The following LDHB variants were observed in gnomAD, a reference collection of about 807,000 sequenced individuals.
The protein encoded by LDHB is L-lactate dehydrogenase B chain.
A neutral mutation model predicts 33.4 loss-of-function variants in LDHB; 18 were observed. The observed-to-expected ratio is 0.54, with a 90% confidence interval of 0.37 to 0.80. The LOEUF (loss-of-function observed/expected upper bound fraction) is 0.80. Ranked by LOEUF, LDHB falls within the 30% of genes least tolerant of loss-of-function variation. The pLI, the probability that LDHB is intolerant of heterozygous loss-of-function variation, is 0.00. For synonymous variants in LDHB, 121 were observed against 140.6 expected, an observed-to-expected ratio of 0.86 and a Z score of 0.98; for missense variants, 345 against 407.9, an observed-to-expected ratio of 0.85 and a Z score of 1.33.
chr12:21,639,901 T>TA (rs1256328805), intron 5 of LDHB, among the ~76,000 whole-genome samples: 3 of 151,960 alleles, frequency 2.0e-5, no homozygotes, highest in African/African-American at 4.8e-5. Context: ...CATTCTTATA[T>TA]AAAAAATCAG....
Position 21,638,401 on chromosome 12 carries a change from T to G in LDHB, c.665A>C (p.Asp222Ala). The change falls in exon 6 of 8, where the codon GAC (aspartate) becomes GCC (alanine). Residue 222 changes from aspartate to alanine, a missense_variant. By Grantham distance (126) the Asp-to-Ala change is moderately radical. Transcript: ENST00000350669. The stretch of plus-strand genomic sequence containing the variant: ...TTCCTTCCAATTTTCACTATCATTG[T>G]CAGTTCCCATTTCTGGATTCAATTC... The part of the protein sequence containing the change: ...LQELNPEMGT[D>A]NDSENWKEVH... 1 of 1,611,892 alleles carries G rather than the reference T, an allele frequency of 6.2e-7. No homozygotes were observed. The highest frequency in any genetic ancestry group is 8.5e-7 in the Non-Finnish European group (1 of 1,178,416).
chr12:21,647,599 T>C (rs1938561524), intron 2 of LDHB, among the ~76,000 whole-genome samples: 1 of 152,210 alleles, frequency 6.6e-6, no homozygotes, highest in Admixed American at 6.5e-5. Context: ...AGATTTCTTT[T>C]GTTTTCTATT....
rs1456739376 is a variant in LDHB at position 21,642,208 on chromosome 12, T to C, written c.422-83A>G. ...CAGCTTGGGGTGCCCTGGCTTCCCT[T>C]TTCCCACTTCCCCACTCCCCAAATG... On this transcript the variant is annotated intron_variant, in intron 4 of 7. Coordinates refer to ENST00000350669, the MANE Select transcript of LDHB (RefSeq NM_002300.8). 6 of 908,252 alleles carry C rather than the reference T, an allele frequency of 6.6e-6. No individual in the cohort carries two copies. In the African/African-American group the frequency reaches 8.2e-5, roughly 12 times the overall value. The allele number at this position is 908,252 out of a possible 1,614,324, so 56.3% of individuals were successfully genotyped here.
chr12:21,647,971 G>A (rs1938574810), intron 2 of LDHB, among the ~76,000 whole-genome samples: 1 of 151,942 alleles, frequency 6.6e-6, no homozygotes, highest in Admixed American at 6.6e-5. Context: ...TGCTGGAATA[G>A]GCAGTGCTGG....
intron 2 of LDHB, among the ~76,000 whole-genome samples, chr12:21,647,604 T>C (rs1421476315): frequency 6.6e-6 from 1 of 152,184 alleles, no homozygotes; most frequent in African/African-American, 2.4e-5. Flanking sequence ...TCTTTTGTTT[T>C]CTATTCCAAT....
intron 3 of LDHB, among the ~76,000 whole-genome samples, chr12:21,645,677 T>C (rs990170170): frequency 6.6e-6 from 1 of 152,180 alleles, no homozygotes; most frequent in East Asian, 1.9e-4. Context: ...TCACATATTT[T>C]CCTGCTGACC....
chr12:21,643,054 G>T (rs1938415417), intron 4 of LDHB, among the ~76,000 whole-genome samples: 2 of 152,208 alleles, frequency 1.3e-5, no homozygotes, highest in Admixed American at 6.5e-5. Flanking sequence ...ATATTTATGA[G>T]AAGTTTTATA....
intron 3 of LDHB, among the ~76,000 whole-genome samples, 189 bp from the exon 4 acceptor site, chr12:21,644,297 T>G (rs933327064): frequency 5.3e-5 from 8 of 151,824 alleles, no homozygotes; most frequent in African/African-American, 1.9e-4. Context: ...TGAGCTACAC[T>G]GCAATAATCC....
At chr12:21,647,653 T>C (rs1650300) in intron 2 of LDHB, among the ~76,000 whole-genome samples, 143,744 of 152,082 alleles carry the variant, frequency 0.95, 68,437 homozygotes, top group East Asian at 1. Flanking sequence ...CAATCTAAAG[T>C]AATGAATATA....
Position 21,642,017 on chromosome 12 carries a change from T to A in LDHB, c.530A>T (p.Glu177Val). The A allele has an allele frequency of 6.2e-7, 1 of 1,613,738 alleles. No homozygotes were observed. The highest frequency in any genetic ancestry group is 8.5e-7 in the Non-Finnish European group (1 of 1,179,778). Reference protein sequence around the residue: ...DSARFRYLMAEKLGIHPSSCH... With the variant: ...DSARFRYLMAVKLGIHPSSCH... ...GCTGCTGGGATGAATGCCAAGTTTT[T>A]CAGCCATAAGGTAGCGAAATCTAGC... The change falls in exon 5 of 8, where the codon GAA becomes GTA. Residue 177 changes from glutamate to valine, a missense_variant. Coordinates refer to ENST00000350669, the MANE Select transcript of LDHB (RefSeq NM_002300.8).
chr12:21,643,603 C>T (rs1420303379), intron 4 of LDHB: 3 of 265,502 alleles, frequency 1.1e-5, no homozygotes, highest in Non-Finnish European at 2.2e-5. Flanking sequence ...CAAAATGTTT[C>T]TTACAAATTG....
intron 3 of LDHB, among the ~76,000 whole-genome samples, chr12:21,646,589 G>C (rs1938532637): frequency 6.6e-6 from 1 of 152,158 alleles, no homozygotes; most frequent in African/African-American, 2.4e-5. Context: ...CTCATTTTAG[G>C]TAGCTGTCCA....
intron 4 of LDHB, 150 bp downstream of exon 4, chr12:21,643,785 G>A: frequency 3.1e-6 from 2 of 653,326 alleles, no homozygotes; most frequent in Non-Finnish European, 5.4e-6. Context: ...CATTTGTTTT[G>A]CAAACACCAC....
intron 3 of LDHB, among the ~76,000 whole-genome samples, chr12:21,644,446 C>CAAAATAA (rs1555165061): frequency 1.8e-5 from 2 of 108,844 alleles, no homozygotes; most frequent in Admixed American, 1.0e-4. Context: ...AAAAAAAAAA[C>CAAAATAA]AAAAACAAAA....
intron 3 of LDHB, among the ~76,000 whole-genome samples, chr12:21,645,890 C>T (rs1033047345): frequency 3.3e-5 from 5 of 152,128 alleles, no homozygotes; most frequent in East Asian, 1.9e-4. Context: ...TTCCACCCGA[C>T]GAGAAATGCC....
Position 21,656,336 on chromosome 12 carries a change from G to T in LDHB, c.-7+1415C>A, listed in dbSNP as rs74069324. Among the ~76,000 whole-genome samples, 231 of 152,322 alleles carry T rather than the reference G, an allele frequency of 1.5e-3. 1 individual carries two copies. The highest frequency in any genetic ancestry group is 5.2e-3 in the African/African-American group (217 of 41,578). On this transcript the variant is annotated intron_variant, in intron 1 of 7. Coordinates refer to ENST00000350669, the MANE Select transcript of LDHB (RefSeq NM_002300.8). ...CTAGTGGACGTTAAAGAGAGAAGAT[G>T]CAATGTTGTGCAAGTGCCTCCACAA...
chr12:21,639,782 G>C lies in LDHB; in HGVS notation c.596-1312C>G, dbSNP rs1938319320. On this transcript the variant is annotated intron_variant, in intron 5 of 7. Transcript: ENST00000350669. ...AAACTTTCCATGCTCAAATTAATCT[G>C]ATCAAGAGAGACACATAGGACCATT... Among the ~76,000 whole-genome samples, 3 of 151,980 alleles carry C rather than the reference G, an allele frequency of 2.0e-5. No homozygotes were observed. The South Asian group carries it at 6.2e-4, about 31-fold the overall frequency.
chr12:21,647,092 G>A lies in LDHB; in HGVS notation c.130-76C>T. The A allele has an allele frequency of 3.6e-6, 3 of 826,870 alleles. No homozygotes were observed. In the East Asian group the frequency reaches 7.3e-5, roughly 20 times the overall value. 51.2% of individuals were successfully genotyped at this position (826,870 alleles called of 1,614,324 possible). ...CAGCTCACAATCTAACCCAAAGAAA[G>A]ATCTTTAACATGGCTAAGCACCAAA... is the stretch of plus-strand genomic sequence containing the variant. On this transcript the variant is annotated intron_variant, in intron 2 of 7. Coordinates refer to ENST00000350669, the MANE Select transcript of LDHB (RefSeq NM_002300.8).
At chr12:21,653,345 G>C (rs189734315) in intron 2 of LDHB, among the ~76,000 whole-genome samples, 1 of 152,116 alleles carries the variant, frequency 6.6e-6, no homozygotes, top group Non-Finnish European at 1.5e-5. Context: ...CCCAGGTCAC[G>C]AGCCAGTACT....
Sources: allele counts gnomAD v4.1 joint callset (sites outside exome capture counted in the v4.1 genomes callset), GRCh38; gene constraint gnomAD v4.1.1; transcripts MANE v1.5; gene names NCBI Gene and HGNC (gene_info 2026-07-23, HGNC 2026-07-21).